The following RHBDL3 variants were observed in gnomAD, a reference collection of about 807,000 sequenced individuals.
RHBDL3 encodes rhomboid-related protein 3.
A neutral mutation model predicts 48.2 loss-of-function variants in RHBDL3; 28 were observed. The ratio of observed to expected loss-of-function variants is 0.58; its 90% CI spans 0.43 to 0.80. The LOEUF (loss-of-function observed/expected upper bound fraction) is 0.80, where lower values mean the gene tolerates loss of function less well. RHBDL3 is among the 30% of genes least tolerant of loss of function. The pLI is 0.00. For synonymous variants in RHBDL3, 208 were observed against 232.3 expected, an observed-to-expected ratio of 0.90 and a Z score of 0.95; for missense variants, 464 against 542.7, an observed-to-expected ratio of 0.85 and a Z score of 1.44.
chr17:32,304,301 A>G (rs554497908), intron 6 of RHBDL3, among the ~76,000 whole-genome samples: 5 of 152,290 alleles, frequency 3.3e-5, no homozygotes, highest in African/African-American at 9.6e-5. Flanking sequence ...GGGCTGGAGG[A>G]AGGGTGGACG....
chr17:32,298,951 C>T (rs1330102396), intron 6 of RHBDL3, among the ~76,000 whole-genome samples: 1 of 151,928 alleles, frequency 6.6e-6, no homozygotes, highest in Non-Finnish European at 1.5e-5. Context: ...GTGAAGTTAG[C>T]TGGGGAGAGC....
At chr17:32,281,689 C>T (rs1383154868) in intron 2 of RHBDL3, among the ~76,000 whole-genome samples, 1 of 152,202 alleles carries the variant, frequency 6.6e-6, no homozygotes, top group Non-Finnish European at 1.5e-5. Flanking sequence ...TTGCCACATT[C>T]CCTCTCCAGG....
At chr17:32,299,341 C>T (rs1161913422) in intron 6 of RHBDL3, among the ~76,000 whole-genome samples, 2 of 152,152 alleles carry the variant, frequency 1.3e-5, no homozygotes, top group African/African-American at 4.8e-5. Flanking sequence ...GCACCATCTC[C>T]TTTGCTCCTG....
intron 4 of RHBDL3, among the ~76,000 whole-genome samples, chr17:32,291,657 G>A (rs951330086): frequency 5.9e-5 from 9 of 152,044 alleles, no homozygotes; most frequent in Admixed American, 4.6e-4. Context: ...CTCCAGCCTG[G>A]GTGACAGAAC....
chr17:32,271,047 A>G (rs959861195), intron 2 of RHBDL3, among the ~76,000 whole-genome samples: 2 of 152,068 alleles, frequency 1.3e-5, no homozygotes, highest in Non-Finnish European at 2.9e-5. Flanking sequence ...TAAAAGTTTA[A>G]AAAAAAATTT....
At chr17:32,318,294 T>C (rs376069064) in intron 8 of RHBDL3, among the ~76,000 whole-genome samples, 3 of 148,062 alleles carry the variant, frequency 2.0e-5, no homozygotes, top group Non-Finnish European at 3.0e-5. Context: ...CCACTGCACT[T>C]CAGCCTGTGT....
intron 2 of RHBDL3, among the ~76,000 whole-genome samples, chr17:32,270,780 ACTT>A (rs533995095): frequency 1.1e-3 from 160 of 152,178 alleles, no homozygotes; most frequent in Middle Eastern, 6.8e-3. Context: ...TCCTGTTCAA[ACTT>A]CTTCTTGAGG....
In RHBDL3 at chr17:32,316,310, G is replaced by A. The variant is rs747621494; in HGVS notation, c.943+18G>A. The A allele has an allele frequency of 4.4e-6, 7 of 1,601,818 alleles. No individual in the cohort carries two copies. Among genetic ancestry groups the A allele is most frequent in the African/African-American group, 2.7e-5 (2 of 74,762 alleles). On this transcript the variant is annotated intron_variant, in intron 8 of 8. Transcript: ENST00000269051. The stretch of plus-strand genomic sequence containing the variant: ...TATCTGTAGTAAGTACTGATGGGGC[G>A]CTGGGGAACCAAAGCCTGGCACCAG...
chr17:32,280,802 CCT>C (rs2040023531), intron 2 of RHBDL3: 1 of 152,328 alleles, frequency 6.6e-6, no homozygotes, highest in Non-Finnish European at 1.5e-5. Context: ...ATGGGATGCA[CCT>C]CTCTCCTGCT....
chr17:32,304,105 C>G (rs911191762), intron 6 of RHBDL3, among the ~76,000 whole-genome samples: 1 of 152,186 alleles, frequency 6.6e-6, no homozygotes, highest in African/African-American at 2.4e-5. Context: ...AATTTCCCCT[C>G]TTTTCTTTGC....
At position 32,283,514 on chromosome 17, in the gene RHBDL3, G is replaced by T. The variant is rs865933031; in HGVS notation, c.136-1145G>T. ...ACTTTTTTGTATTTTTAGTAGAGACGGGGTTTCACCGTGTTAGCCAGGATG... is the reference window on the plus strand; with the variant it reads ...ACTTTTTTGTATTTTTAGTAGAGACTGGGTTTCACCGTGTTAGCCAGGATG... On this transcript the variant is annotated intron_variant, in intron 2 of 8. Transcript: ENST00000269051. Among the ~76,000 whole-genome samples, 3 of 151,618 alleles carry T rather than the reference G, an allele frequency of 2.0e-5. No homozygotes were observed. In the South Asian group the frequency reaches 6.3e-4, roughly 32 times the overall value.
intron 2 of RHBDL3, among the ~76,000 whole-genome samples, chr17:32,271,520 A>T (rs887191802): frequency 2.6e-5 from 4 of 152,196 alleles, no homozygotes; most frequent in Admixed American, 2.0e-4. Context: ...TTCAAGGTCA[A>T]ATATTTAGTC....
chr17:32,285,840 C>G (rs962855883), intron 3 of RHBDL3, among the ~76,000 whole-genome samples: 1 of 152,202 alleles, frequency 6.6e-6, no homozygotes, highest in Non-Finnish European at 1.5e-5. Flanking sequence ...GCCGCCACCA[C>G]TGGAGCCTGT....
chr17:32,267,442 G>C (rs879284012), intron 1 of RHBDL3, among the ~76,000 whole-genome samples: 4 of 151,732 alleles, frequency 2.6e-5, no homozygotes, highest in East Asian at 3.9e-4. Flanking sequence ...GGGGGGGAGG[G>C]GGGGGCTCTA....
intron 2 of RHBDL3, among the ~76,000 whole-genome samples, chr17:32,270,748 C>T (rs2039752381): frequency 2.0e-5 from 3 of 152,104 alleles, no homozygotes; most frequent in South Asian, 4.1e-4. Flanking sequence ...CAGTTCAACT[C>T]GGTATGTTCC....
chr17:32,283,546 A>C (rs551376827), intron 2 of RHBDL3, among the ~76,000 whole-genome samples: 2 of 151,996 alleles, frequency 1.3e-5, no homozygotes, highest in South Asian at 2.1e-4. Flanking sequence ...GATGGTCTCC[A>C]TCTCCTGACC....
intron 4 of RHBDL3, among the ~76,000 whole-genome samples, chr17:32,291,832 C>T (rs2040337369): frequency 2.8e-5 from 4 of 144,066 alleles, no homozygotes; most frequent in African/African-American, 1.0e-4. Flanking sequence ...AATGCCGTGG[C>T]GCAATCTTGG....
intron 6 of RHBDL3, 82 bp from the exon 7 acceptor site, chr17:32,305,259 C>T: frequency 2.2e-6 from 2 of 895,858 alleles, no homozygotes; most frequent in South Asian, 2.6e-5. Context: ...TAGCACGGAG[C>T]CTGCAGAATC....
intron 5 of RHBDL3, among the ~76,000 whole-genome samples, chr17:32,296,482 C>T (rs1354400025): frequency 1.3e-5 from 2 of 151,198 alleles, no homozygotes; most frequent in African/African-American, 4.9e-5. Flanking sequence ...ACTACAGGTG[C>T]ATGCCACCAC....
Sources: gnomAD v4.1 joint callset for allele counts (sites outside exome capture counted in the v4.1 genomes callset) on GRCh38, gnomAD v4.1.1 for gene constraint, MANE v1.5 for transcripts, NCBI Gene and HGNC (gene_info 2026-07-23, HGNC 2026-07-21) for gene names.